ZNF232: variants seen among roughly 807,000 people sequenced by gnomAD.
ZNF232 encodes the protein zinc finger protein 232, also known as zinc finger and SCAN domain-containing protein 11.
Under a neutral mutation model 25.2 loss-of-function variants are expected in ZNF232, and 25 were observed. That is an observed-to-expected ratio of 0.99 (90% CI 0.72 to 1.39). ZNF232 has a LOEUF of 1.39. Among genes scored for constraint, ZNF232 ranks in the 40% most tolerant of loss-of-function variants. The pLI, the probability that ZNF232 is intolerant of heterozygous loss-of-function variation, is 0.00. For missense variants in ZNF232, 519 were observed against 520.9 expected (o/e 1.00, Z 0.04); for synonymous variants, 193 against 182.9 (o/e 1.06, Z -0.45).
chr17:5,108,838 C>T, intron 3 of ZNF232, 88 bp downstream of exon 3: 1 of 1,582,636 alleles, frequency 6.3e-7, no homozygotes, highest in Non-Finnish European at 8.6e-7. Context: ...TAAGCACCTA[C>T]TACTATTTAC....
intron 3 of ZNF232, chr17:5,106,530 T>C: frequency 6.3e-7 from 1 of 1,582,802 alleles, no homozygotes; most frequent in East Asian, 2.2e-5. Context: ...TAAATATACC[T>C]GTTCTGGATG....
intron 3 of ZNF232, 39 bp downstream of exon 3, chr17:5,108,887 T>A: frequency 6.2e-7 from 1 of 1,613,182 alleles, no homozygotes; most frequent in Non-Finnish European, 8.5e-7. Context: ...TTATAGTCCC[T>A]CTTTCTCCTC....
At chr17:5,110,626 G>A (rs2072380719) in intron 1 of ZNF232, among the ~76,000 whole-genome samples, 1 of 152,126 alleles carries the variant, frequency 6.6e-6, no homozygotes, top group African/African-American at 2.4e-5. Flanking sequence ...AAAAATATAA[G>A]TCCCCTTTAA....
chr17:5,109,581 C>T, exon 2 of ZNF232: 3 of 1,614,216 alleles, frequency 1.9e-6, no homozygotes, highest in South Asian at 2.2e-5. Flanking sequence ...CCACTCACAG[C>T]AGAGTACTCG....
chr17:5,118,326 C>T (rs1464749936), intron 1 of ZNF232: 1 of 152,476 alleles, frequency 6.6e-6, no homozygotes, highest in African/African-American at 2.4e-5. Flanking sequence ...CTGGCCACTA[C>T]AGGCACCAGC....
At chr17:5,116,384 T>G (rs1293569420), upstream of ZNF232, 2 of 139,216 alleles carry the variant, frequency 1.4e-5, no homozygotes, top group East Asian at 3.9e-4. Flanking sequence ...CGAGTCCTCA[T>G]GTTTTCCTAG....
At chr17:5,116,903 C>A (rs542790164) in intron 1 of ZNF232, among the ~76,000 whole-genome samples, 1 of 152,146 alleles carries the variant, frequency 6.6e-6, no homozygotes, top group Non-Finnish European at 1.5e-5. Context: ...GAGCTAGGTA[C>A]GGAGGGAGCA....
At chr17:5,118,677 A>C (rs558070284) in intron 1 of ZNF232, among the ~76,000 whole-genome samples, 1 of 152,322 alleles carries the variant, frequency 6.6e-6, no homozygotes, top group East Asian at 1.9e-4. Flanking sequence ...TCCAAAAAGA[A>C]TGAGGTTGTG....
intron 1 of ZNF232, among the ~76,000 whole-genome samples, chr17:5,118,606 GGGT>G (rs2072584114): frequency 6.6e-6 from 1 of 152,256 alleles, no homozygotes; most frequent in Non-Finnish European, 1.5e-5. Context: ...TGAGGGCAAA[GGGT>G]GAGTGTGACA....
chr17:5,108,592 C>A (rs2072318693), intron 3 of ZNF232, among the ~76,000 whole-genome samples: 1 of 151,732 alleles, frequency 6.6e-6, no homozygotes, highest in African/African-American at 2.4e-5. Context: ...GAGTTAAGTG[C>A]AGTGGAGATG....
chr17:5,107,093 G>A (rs2072277346), intron 3 of ZNF232, among the ~76,000 whole-genome samples: 1 of 151,680 alleles, frequency 6.6e-6, no homozygotes, highest in South Asian at 2.1e-4. Flanking sequence ...CTTAAAAAGG[G>A]AAAAAGAGTG....
At chr17:5,109,304 G>A in intron 2 of ZNF232, 90 bp downstream of exon 2, 1 of 1,512,492 alleles carries the variant, frequency 6.6e-7, no homozygotes, top group South Asian at 1.1e-5. Context: ...AGAGAGGTTT[G>A]AACTTGGCAC....
intron 3 of ZNF232, among the ~76,000 whole-genome samples, chr17:5,107,312 C>T (rs112350552): frequency 0.14 from 19,744 of 140,096 alleles, 1,515 homozygotes; most frequent in African/African-American, 0.22. Context: ...GGCGTGAACC[C>T]GGGAAGTGGA....
At chr17:5,109,893 CTCT>C (rs772365323) in intron 1 of ZNF232, 25 bp from the exon 2 acceptor site, 13 of 1,552,608 alleles carry the variant, frequency 8.4e-6, no homozygotes, top group Non-Finnish European at 1.1e-5. Flanking sequence ...GAAATCATTC[CTCT>C]TTTTTTTTTT....
upstream of ZNF232, among the ~76,000 whole-genome samples, chr17:5,112,991 C>G (rs56267641): frequency 6.6e-6 from 1 of 152,098 alleles, no homozygotes. Flanking sequence ...AAATTTATCT[C>G]ACTATCAATT....
At chr17:5,105,747 A>C in exon 4 of ZNF232, 1 of 1,368,922 alleles carries the variant, frequency 7.3e-7, no homozygotes, top group South Asian at 1.6e-5. Context: ...TAAGGAACTT[A>C]TAACTTTTAT....
chr17:5,111,618 G>T, intron 1 of ZNF232, 182 bp downstream of exon 1: 2 of 831,380 alleles, frequency 2.4e-6, no homozygotes, highest in African/African-American at 1.7e-5. Context: ...CCCCTCCACG[G>T]CACGTGACGC....
At chr17:5,120,811 GTGTGCACACA>G (rs371951475) in intron 1 of ZNF232, 9 of 452,420 alleles carry the variant, frequency 2.0e-5, no homozygotes, top group African/African-American at 2.0e-5. Flanking sequence ...ATGTAAGCAG[GTGTGCACACA>G]TGTGGGCACA....
chr17:5,106,388 T>G, exon 4 of ZNF232: 1 of 1,614,212 alleles, frequency 6.2e-7, no homozygotes, highest in Non-Finnish European at 8.5e-7. Context: ...CAGAGGTAGC[T>G]TCAAATGTAG....
Sources: gnomAD v4.1 joint callset for allele counts (sites outside exome capture counted in the v4.1 genomes callset) on GRCh38, gnomAD v4.1.1 for gene constraint, MANE v1.5 for transcripts, NCBI Gene and HGNC (gene_info 2026-07-23, HGNC 2026-07-21) for gene names.